The following SH3RF1 variants were observed in gnomAD, a reference collection of about 807,000 sequenced individuals.
The protein encoded by SH3RF1 is SH3 domain containing ring finger 1.
A neutral mutation model predicts 74.0 loss-of-function variants in SH3RF1; 32 were observed. The observed-to-expected ratio is 0.43, with a 90% confidence interval of 0.33 to 0.58. The LOEUF (loss-of-function observed/expected upper bound fraction) is 0.58. Among genes scored for constraint, SH3RF1 ranks in the 20% least tolerant of loss-of-function variants. The pLI, the probability that SH3RF1 is intolerant of heterozygous loss-of-function variation, is 0.05. For missense variants in SH3RF1, 954 were observed against 1,130.9 expected (o/e 0.84, Z 2.24); for synonymous variants, 396 against 439.6 (o/e 0.90, Z 1.24).
chr4:169,255,373 ATC>A (rs1378045208), intron 2 of SH3RF1, among the ~76,000 whole-genome samples: 5 of 152,194 alleles, frequency 3.3e-5, no homozygotes, highest in African/African-American at 9.7e-5. Context: ...ATTTGTTTAT[ATC>A]TGTTTATATA....
chr4:169,146,059 A>ATTCTATATATTCTATATAAAATATT lies in SH3RF1; in HGVS notation c.765+9420_765+9421insAATATTTTATATAGAATATATAGAA, dbSNP rs1465370008. 3.3e-3 allele frequency among the ~76,000 whole-genome samples: 453 copies of ATTCTATATATTCTATATAAAATATT among 136,744 alleles called. 70 individuals are homozygous for ATTCTATATATTCTATATAAAATATT. The highest frequency in any genetic ancestry group is 0.012 in the African/African-American group (422 of 36,074). 89.7% of individuals were successfully genotyped at this position (136,744 alleles called of 152,430 possible). On this transcript the variant is annotated intron_variant, in intron 4 of 11. Transcript: ENST00000284637. ...CTATATATTCTATATAAAATATTATATATTCTATATAAAATATTATATATT... is the reference window on the plus strand; with the variant it reads ...CTATATATTCTATATAAAATATTATATTCTATATATTCTATATAAAATATTTATTCTATATAAAATATTATATATT...
chr4:169,141,534 A>C (rs1733786354), intron 4 of SH3RF1, among the ~76,000 whole-genome samples: 1 of 152,128 alleles, frequency 6.6e-6, no homozygotes, highest in South Asian at 2.1e-4. Context: ...CTATTTATTA[A>C]TGAGATTAAG....
At chr4:169,121,162 T>C (rs1486197164) in intron 7 of SH3RF1, among the ~76,000 whole-genome samples, 173 bp from the exon 8 acceptor site, 2 of 152,244 alleles carry the variant, frequency 1.3e-5, no homozygotes, top group Admixed American at 1.3e-4. Context: ...GGTTTTGCTG[T>C]CTACATTTTA....
chr4:169,107,361 G>A (rs1393426109), intron 10 of SH3RF1, among the ~76,000 whole-genome samples, 156 bp from the exon 11 acceptor site: 14 of 152,008 alleles, frequency 9.2e-5, no homozygotes, highest in Non-Finnish European at 1.8e-4. Context: ...TTCAATGTTC[G>A]GTTTGATCTT....
At chr4:169,181,257 CTTTTTTT>C (rs397878328) in intron 2 of SH3RF1, among the ~76,000 whole-genome samples, 3 of 103,390 alleles carry the variant, frequency 2.9e-5, no homozygotes, top group African/African-American at 4.1e-5. Context: ...TTGGGAAAGC[CTTTTTTT>C]TTTTTTTTTT....
chr4:169,103,858 C>T (rs974884285), intron 11 of SH3RF1, among the ~76,000 whole-genome samples: 3 of 152,152 alleles, frequency 2.0e-5, no homozygotes, highest in African/African-American at 7.2e-5. Flanking sequence ...TCTCCAAAGA[C>T]CCCTTTCCCA....
chr4:169,117,405 C>G, intron 9 of SH3RF1, 118 bp downstream of exon 9: 1 of 1,457,870 alleles, frequency 6.9e-7, no homozygotes, highest in Non-Finnish European at 9.3e-7. Context: ...GTAGACTTTG[C>G]CTAATGTTGT....
chr4:169,186,869 CG>C (rs1734613345), intron 2 of SH3RF1, among the ~76,000 whole-genome samples: 1 of 145,334 alleles, frequency 6.9e-6, no homozygotes. Context: ...AAAAAATTAG[CG>C]GGGCGTGGTG....
chr4:169,201,087 T>C (rs1033096344), intron 2 of SH3RF1, among the ~76,000 whole-genome samples: 1 of 152,186 alleles, frequency 6.6e-6, no homozygotes, highest in Non-Finnish European at 1.5e-5. Flanking sequence ...TTCTGATTAC[T>C]GGCAATTTGA....
At chr4:169,108,579 C>G (rs1733186854) in intron 10 of SH3RF1, among the ~76,000 whole-genome samples, 1 of 152,112 alleles carries the variant, frequency 6.6e-6, no homozygotes, top group Non-Finnish European at 1.5e-5. Context: ...CTTGCTTGAC[C>G]TGGGCTATAG....
chr4:169,148,964 G>A (rs938677421), intron 4 of SH3RF1, among the ~76,000 whole-genome samples: 5 of 152,132 alleles, frequency 3.3e-5, no homozygotes, highest in African/African-American at 4.8e-5. Flanking sequence ...AGAACTTGGC[G>A]ATTCTTTAGG....
chr4:169,236,412 A>G (rs1270389747), intron 2 of SH3RF1, among the ~76,000 whole-genome samples: 1 of 152,226 alleles, frequency 6.6e-6, no homozygotes, highest in Non-Finnish European at 1.5e-5. Context: ...CACACAACGT[A>G]TACCTTGAGT....
intron 10 of SH3RF1, among the ~76,000 whole-genome samples, chr4:169,115,949 C>T (rs1733324859): frequency 6.6e-6 from 1 of 152,178 alleles, no homozygotes; most frequent in Non-Finnish European, 1.5e-5. Context: ...AAGGAAATTC[C>T]TCCACGAGAC....
At chr4:169,201,650 A>G (rs1208378195) in intron 2 of SH3RF1, 1 of 152,162 alleles carries the variant, frequency 6.6e-6, no homozygotes, top group Non-Finnish European at 1.5e-5. Flanking sequence ...TTCCCAGTCA[A>G]AGTTATAATT....
intron 10 of SH3RF1, among the ~76,000 whole-genome samples, chr4:169,114,974 GA>G (rs994016920): frequency 2.6e-5 from 4 of 151,972 alleles, no homozygotes; most frequent in African/African-American, 9.7e-5. Flanking sequence ...AAATATTGAG[GA>G]AAAAGTAATA....
At chr4:169,148,709 A>T (rs1733930567) in intron 4 of SH3RF1, among the ~76,000 whole-genome samples, 1 of 152,182 alleles carries the variant, frequency 6.6e-6, no homozygotes, top group African/African-American at 2.4e-5. Flanking sequence ...AGTTCAAAGC[A>T]AGGAGAGGGG....
At chr4:169,252,554 T>C (rs1445434173) in intron 2 of SH3RF1, among the ~76,000 whole-genome samples, 5 of 152,264 alleles carry the variant, frequency 3.3e-5, no homozygotes, top group Non-Finnish European at 7.3e-5. Context: ...CTCTGCCTGA[T>C]TGCCAGATAA....
At chr4:169,127,911 T>C (rs1437421050) in intron 6 of SH3RF1, among the ~76,000 whole-genome samples, 1 of 152,182 alleles carries the variant, frequency 6.6e-6, no homozygotes, top group Non-Finnish European at 1.5e-5. Flanking sequence ...GGATTTTGAA[T>C]TTTTTTAGAT....
intron 2 of SH3RF1, among the ~76,000 whole-genome samples, chr4:169,259,405 C>T (rs569527609): frequency 4.3e-4 from 65 of 152,224 alleles, no homozygotes; most frequent in African/African-American, 1.5e-3. Context: ...CCAGCTACCC[C>T]GAAAGAGCCC....
Sources: allele counts gnomAD v4.1 joint callset (sites outside exome capture counted in the v4.1 genomes callset), GRCh38; gene constraint gnomAD v4.1.1; transcripts MANE v1.5; gene names NCBI Gene and HGNC (gene_info 2026-07-23, HGNC 2026-07-21).